Variants in ATG10 observed in about 807,000 individuals in gnomAD.
ATG10 encodes ubiquitin-like-conjugating enzyme ATG10.
Under a neutral mutation model 32.1 loss-of-function variants are expected in ATG10, and 30 were observed. The observed-to-expected ratio is 0.94, with a 90% confidence interval of 0.70 to 1.27. The LOEUF is 1.27. ATG10 is among the 50% of genes most tolerant of loss of function. The pLI, the probability that ATG10 is intolerant of heterozygous loss-of-function variation, is 0.00. For synonymous variants in ATG10, 87 were observed against 91.5 expected (o/e 0.95, Z 0.28); for missense variants, 233 against 262.3 (o/e 0.89, Z 0.77).
At chr5:82,031,187 A>G (rs1354787140) in intron 2 of ATG10, among the ~76,000 whole-genome samples, 1 of 152,184 alleles carries the variant, frequency 6.6e-6, no homozygotes, top group Non-Finnish European at 1.5e-5. Flanking sequence ...GTGAGTAAGG[A>G]CTCCAGAAAT....
At chr5:82,191,147 T>C (rs1400378362) in intron 5 of ATG10, among the ~76,000 whole-genome samples, 1 of 152,256 alleles carries the variant, frequency 6.6e-6, no homozygotes, top group Non-Finnish European at 1.5e-5. Context: ...TACAGTCTGA[T>C]GTCAACCAGT....
chr5:81,996,844 AAC>A lies in ATG10; in HGVS notation c.108+9168_108+9169del, dbSNP rs573803622. On this transcript the variant is annotated intron_variant, in intron 2 of 7. Transcript: ENST00000282185. ...TTTACATCTAGCAAATGTGAATAAT[AAC>A]AGTTACCATGTACATGATTATAAGG... is the stretch of plus-strand genomic sequence containing the variant. 2.2e-4 allele frequency among the ~76,000 whole-genome samples: 34 copies of A among 152,346 alleles called. No homozygotes were observed. The South Asian group carries it at 6.8e-3, about 31-fold the overall frequency.
At chr5:82,231,073 G>A (rs1188785178) in intron 5 of ATG10, among the ~76,000 whole-genome samples, 1 of 152,188 alleles carries the variant, frequency 6.6e-6, no homozygotes, top group Non-Finnish European at 1.5e-5. Flanking sequence ...AGCCACTGGG[G>A]AGAAAATGAC....
chr5:82,173,642 G>A (rs1311759893), intron 4 of ATG10, among the ~76,000 whole-genome samples: 3 of 152,098 alleles, frequency 2.0e-5, no homozygotes, highest in African/African-American at 7.2e-5. Context: ...TCTTTTTCAA[G>A]TATTCAAGAG....
At chr5:82,150,020 T>C (rs1767526896) in intron 3 of ATG10, among the ~76,000 whole-genome samples, 1 of 137,996 alleles carries the variant, frequency 7.2e-6, no homozygotes, top group Non-Finnish European at 1.5e-5. Context: ...TTAAAAAAAG[T>C]TAAATTCATG....
intron 2 of ATG10, among the ~76,000 whole-genome samples, chr5:82,038,241 C>T (rs1465149728): frequency 2.6e-5 from 4 of 152,174 alleles, no homozygotes; most frequent in Non-Finnish European, 5.9e-5. Flanking sequence ...GTGCCTGGTT[C>T]TTAATTCTTC....
chr5:82,001,907 C>T (rs542543689), intron 2 of ATG10, among the ~76,000 whole-genome samples: 12 of 152,064 alleles, frequency 7.9e-5, no homozygotes, highest in Non-Finnish European at 1.5e-4. Context: ...GTCTAATATC[C>T]GGAGTCTATA....
chr5:82,086,350 A>G (rs1027127214), intron 3 of ATG10, among the ~76,000 whole-genome samples: 3 of 152,226 alleles, frequency 2.0e-5, no homozygotes, highest in Non-Finnish European at 4.4e-5. Flanking sequence ...TTAAAATTAC[A>G]ATAAAATTAA....
intron 5 of ATG10, among the ~76,000 whole-genome samples, chr5:82,244,808 T>C (rs1746958421): frequency 6.6e-6 from 1 of 152,230 alleles, no homozygotes; most frequent in Non-Finnish European, 1.5e-5. Flanking sequence ...GTCAGACTTA[T>C]TTTATGAGAC....
At chr5:82,206,521 G>A (rs1035175000) in intron 5 of ATG10, among the ~76,000 whole-genome samples, 5 of 151,890 alleles carry the variant, frequency 3.3e-5, no homozygotes, top group Non-Finnish European at 7.4e-5. Flanking sequence ...TTGGTGGCAT[G>A]TGCCTGTGGT....
intron 5 of ATG10, among the ~76,000 whole-genome samples, chr5:82,199,153 T>A (rs76894712): frequency 0.13 from 19,205 of 152,222 alleles, 1,611 homozygotes; most frequent in South Asian, 0.3. Context: ...GAAAACAAGG[T>A]AAGGAATCTT....
chr5:82,219,918 A>G (rs1745849547), intron 5 of ATG10, among the ~76,000 whole-genome samples: 2 of 152,232 alleles, frequency 1.3e-5, no homozygotes, highest in African/African-American at 4.8e-5. Flanking sequence ...GAACACAGCT[A>G]ACACACAGTC....
At chr5:82,115,757 A>G (rs758375570) in intron 3 of ATG10, among the ~76,000 whole-genome samples, 1 of 152,082 alleles carries the variant, frequency 6.6e-6, no homozygotes, top group Non-Finnish European at 1.5e-5. Context: ...AGCTGGCCAC[A>G]TAGATCAGCA....
chr5:82,200,864 A>AT (rs1745043877), intron 5 of ATG10, among the ~76,000 whole-genome samples: 43 of 143,210 alleles, frequency 3.0e-4, no homozygotes, highest in African/African-American at 9.1e-4. Context: ...TTAAAAATAC[A>AT]TTATTTATTT....
At chr5:82,107,761 A>G (rs1451042602) in intron 3 of ATG10, among the ~76,000 whole-genome samples, 1 of 152,090 alleles carries the variant, frequency 6.6e-6, no homozygotes, top group Non-Finnish European at 1.5e-5. Flanking sequence ...AATAATTTAT[A>G]ATTTAGTTGG....
chr5:82,227,590 G>T (rs898601679), intron 5 of ATG10, among the ~76,000 whole-genome samples: 4 of 152,020 alleles, frequency 2.6e-5, no homozygotes, highest in African/African-American at 9.7e-5. Flanking sequence ...TGGCAAGGAT[G>T]GTCTCGAACT....
In ATG10 at chr5:82,011,642, C is replaced by T. The variant is rs909698605; in HGVS notation, c.108+23964C>T. On this transcript the variant is annotated intron_variant, in intron 2 of 7. Coordinates refer to ENST00000282185, the MANE Select transcript of ATG10 (RefSeq NM_031482.5). The stretch of plus-strand genomic sequence containing the variant: ...CATAGCTTAATTGCTGATGATTGGT[C>T]AGAGGTTATGCTCAAACACCTGGAG... Among the ~76,000 whole-genome samples the T allele has an allele frequency of 2.6e-5, 4 of 152,200 alleles. 1 individual carries two copies. Among genetic ancestry groups the T allele is most frequent in the African/African-American group, 9.7e-5 (4 of 41,442 alleles).
chr5:81,984,470 T>A lies in ATG10; in HGVS notation c.-12-3089T>A, dbSNP rs935808457. Among the ~76,000 whole-genome samples the A allele has an allele frequency of 7.9e-5, 12 of 152,358 alleles. No homozygotes were observed. The South Asian group carries it at 8.3e-4, about 11-fold the overall frequency. ...GAGAGATTCATTGTTTAGGATCAGATGAGAATTGAAATTCATCTTTTTACT... is the reference window on the plus strand; with the variant it reads ...GAGAGATTCATTGTTTAGGATCAGAAGAGAATTGAAATTCATCTTTTTACT... On this transcript the variant is annotated intron_variant, in intron 1 of 7. Coordinates refer to ENST00000282185, the MANE Select transcript of ATG10 (RefSeq NM_031482.5).
chr5:81,993,998 C>T (rs1761585083), intron 2 of ATG10, among the ~76,000 whole-genome samples: 1 of 152,134 alleles, frequency 6.6e-6, no homozygotes, highest in Admixed American at 6.5e-5. Flanking sequence ...ACCATCTTTT[C>T]TTTGGCAGCC....
Sources: allele counts gnomAD v4.1 joint callset (sites outside exome capture counted in the v4.1 genomes callset), GRCh38; gene constraint gnomAD v4.1.1; transcripts MANE v1.5; gene names NCBI Gene and HGNC (gene_info 2026-07-23, HGNC 2026-07-21).